Variants in TANC1 observed in about 807,000 individuals in gnomAD.
TANC1 encodes the protein tetratricopeptide repeat, ankyrin repeat and coiled-coil containing 1.
Under a neutral mutation model 149.7 loss-of-function variants are expected in TANC1, and 77 were observed. The ratio of observed to expected loss-of-function variants is 0.51; its 90% confidence interval spans 0.43 to 0.62. The LOEUF (loss-of-function observed/expected upper bound fraction) is 0.62, where lower values mean the gene tolerates loss of function less well. Ranked by LOEUF, TANC1 falls within the 20% of genes least tolerant of loss-of-function variation. The pLI, the probability that TANC1 is intolerant of heterozygous loss-of-function variation, is 0.00. For synonymous variants in TANC1, 854 were observed against 925.0 expected (o/e 0.92, Z 1.39); for missense variants, 1,985 against 2,321.8 (o/e 0.85, Z 2.98).
chr2:159,210,446 C>A (rs919648960), intron 19 of TANC1, among the ~76,000 whole-genome samples: 8 of 152,204 alleles, frequency 5.3e-5, no homozygotes, highest in Non-Finnish European at 8.8e-5. Context: ...CAAATCAAAT[C>A]TTTTCCCAGA....
chr2:159,084,538 C>A (rs990377513), intron 3 of TANC1, among the ~76,000 whole-genome samples: 5 of 152,246 alleles, frequency 3.3e-5, no homozygotes, highest in Middle Eastern at 3.4e-3. Flanking sequence ...TTATTCTCTC[C>A]CTTCTCTTGT....
At chr2:159,145,484 G>T (rs2051961521) in intron 5 of TANC1, among the ~76,000 whole-genome samples, 1 of 152,212 alleles carries the variant, frequency 6.6e-6, no homozygotes, top group Non-Finnish European at 1.5e-5. Flanking sequence ...GTTGAGAGAG[G>T]TTCAGTACCC....
chr2:159,109,319 G>T (rs2047493409), intron 4 of TANC1, among the ~76,000 whole-genome samples: 2 of 152,130 alleles, frequency 1.3e-5, no homozygotes, highest in South Asian at 4.2e-4. Flanking sequence ...TGAAACATGG[G>T]GTAATAATGG....
rs548717513 is a variant in TANC1, at chr2:158,995,938, T to G, written c.-125-5142T>G. Among the ~76,000 whole-genome samples, 5 of 152,338 alleles carry G rather than the reference T, an allele frequency of 3.3e-5. No homozygotes were observed. The East Asian group carries it at 7.7e-4, about 24-fold the overall frequency. The stretch of plus-strand genomic sequence containing the variant: ...TGCACTCTGCCTGGTCCACAGAAAC[T>G]GATTCTGTTTCTTCTTTGTCAGATC... On this transcript the variant is annotated intron_variant, in intron 1 of 26. Coordinates refer to ENST00000263635, the MANE Select transcript of TANC1 (RefSeq NM_033394.3).
chr2:159,154,424 G>A (rs2053197912), intron 7 of TANC1, among the ~76,000 whole-genome samples: 1 of 152,176 alleles, frequency 6.6e-6, no homozygotes, highest in Non-Finnish European at 1.5e-5. Context: ...GGTTTCATCA[G>A]GACTGCCACA....
intron 1 of TANC1, among the ~76,000 whole-genome samples, chr2:158,984,812 T>A (rs567898815): frequency 6.6e-6 from 1 of 152,062 alleles, no homozygotes; most frequent in African/African-American, 2.4e-5. Flanking sequence ...AAGCAGAGGC[T>A]GGGAGGCATG....
chr2:159,012,778 C>A (rs2037893567), intron 2 of TANC1, among the ~76,000 whole-genome samples: 1 of 152,068 alleles, frequency 6.6e-6, no homozygotes, highest in Admixed American at 6.6e-5. Context: ...ATAAAATGAC[C>A]TAAATATAAA....
chr2:159,158,257 G>A (rs373861266), intron 7 of TANC1, among the ~76,000 whole-genome samples: 16 of 152,270 alleles, frequency 1.1e-4, no homozygotes, highest in African/African-American at 3.9e-4. Context: ...CTACTCAGGA[G>A]GCTGAGGTGG....
chr2:159,013,261 C>T (rs1473105010), intron 2 of TANC1, among the ~76,000 whole-genome samples: 1 of 152,160 alleles, frequency 6.6e-6, no homozygotes, highest in African/African-American at 2.4e-5. Context: ...GTTTGGTGCA[C>T]TAACCAGGAC....
At chr2:159,020,255 A>G (rs1363761194) in intron 2 of TANC1, among the ~76,000 whole-genome samples, 1 of 152,092 alleles carries the variant, frequency 6.6e-6, no homozygotes, top group Non-Finnish European at 1.5e-5. Flanking sequence ...GTGGGATTAC[A>G]GGCACATGCC....
At chr2:159,111,747 C>T (rs988510280) in intron 4 of TANC1, among the ~76,000 whole-genome samples, 2 of 152,146 alleles carry the variant, frequency 1.3e-5, no homozygotes, top group African/African-American at 4.8e-5. Flanking sequence ...TCATTGTGCC[C>T]TGGTCACAAC....
intron 4 of TANC1, among the ~76,000 whole-genome samples, chr2:159,098,729 C>G (rs1414723491): frequency 2.6e-5 from 4 of 151,960 alleles, no homozygotes; most frequent in Non-Finnish European, 4.4e-5. Flanking sequence ...TTACACTTAA[C>G]ATTACCCAAA....
chr2:159,142,430 A>T (rs1286338161), intron 5 of TANC1, among the ~76,000 whole-genome samples: 1 of 152,168 alleles, frequency 6.6e-6, no homozygotes, highest in Non-Finnish European at 1.5e-5. Context: ...GGTGTTCTTC[A>T]CTGCCAAGTG....
chr2:159,084,508 T>A (rs1281395403), intron 3 of TANC1, among the ~76,000 whole-genome samples: 2 of 152,178 alleles, frequency 1.3e-5, no homozygotes, highest in Non-Finnish European at 2.9e-5. Context: ...TGAAGTAAGA[T>A]AAATGGTAGC....
At chr2:159,209,803 C>T (rs955019487) in intron 19 of TANC1, among the ~76,000 whole-genome samples, 3 of 152,188 alleles carry the variant, frequency 2.0e-5, no homozygotes, top group Non-Finnish European at 2.9e-5. Flanking sequence ...GTGTGGCCAT[C>T]GGGCCTGCCA....
At chr2:159,160,038 A>G (rs1459996644) in intron 7 of TANC1, among the ~76,000 whole-genome samples, 2 of 152,194 alleles carry the variant, frequency 1.3e-5, no homozygotes, top group East Asian at 3.9e-4. Flanking sequence ...CCTGTACACT[A>G]GTACAAAGGA....
At chr2:159,075,773 A>T (rs1432704032) in intron 3 of TANC1, among the ~76,000 whole-genome samples, 1 of 152,124 alleles carries the variant, frequency 6.6e-6, no homozygotes, top group Non-Finnish European at 1.5e-5. Context: ...CATTTAAAAA[A>T]CCGTCTGGAA....
At chr2:159,087,007 T>C (rs2044948830) in intron 3 of TANC1, among the ~76,000 whole-genome samples, 1 of 152,066 alleles carries the variant, frequency 6.6e-6, no homozygotes. Context: ...TAAAGAGAGC[T>C]TTCCTTGCCC....
intron 2 of TANC1, among the ~76,000 whole-genome samples, chr2:159,024,078 A>G (rs967522563): frequency 6.6e-6 from 1 of 152,122 alleles, no homozygotes; most frequent in African/African-American, 2.4e-5. Context: ...GTCGTGTTTC[A>G]GTAACCCTAC....
Sources: allele counts gnomAD v4.1 joint callset (sites outside exome capture counted in the v4.1 genomes callset), GRCh38; gene constraint gnomAD v4.1.1; transcripts MANE v1.5; gene names NCBI Gene and HGNC (gene_info 2026-07-23, HGNC 2026-07-21).